The following UGT1A5 variants were observed in gnomAD, a reference collection of about 807,000 sequenced individuals.
UGT1A5 encodes UDP-glucuronosyltransferase 1A5.
Under a neutral mutation model 40.3 loss-of-function variants are expected in UGT1A5, and 29 were observed. The observed-to-expected ratio is 0.72, with a 90% CI of 0.54 to 0.98. The LOEUF is 0.98. Among genes scored for constraint, UGT1A5 ranks in the 50% least tolerant of loss-of-function variants. UGT1A5 has a pLI of 0.00. For synonymous variants in UGT1A5, 257 were observed against 262.5 expected (o/e 0.98, Z 0.20); for missense variants, 678 against 677.9 (o/e 1.00, Z 0.00).
chr2:233,717,415 G>C (rs565971108), intron 1 of UGT1A5, among the ~76,000 whole-genome samples: 2 of 152,300 alleles, frequency 1.3e-5, no homozygotes, highest in East Asian at 3.9e-4. Context: ...TGCCTCCCTT[G>C]AGCTGGGTGT....
At chr2:233,741,260 G>T (rs1242600336) in intron 1 of UGT1A5, among the ~76,000 whole-genome samples, 1 of 151,812 alleles carries the variant, frequency 6.6e-6, no homozygotes, top group Non-Finnish European at 1.5e-5. Context: ...GCCACTCTTT[G>T]CTGACCACTG....
At chr2:233,714,359 G>C (rs754648080) in intron 1 of UGT1A5, among the ~76,000 whole-genome samples, 1 of 152,198 alleles carries the variant, frequency 6.6e-6, no homozygotes, top group Non-Finnish European at 1.5e-5. Context: ...AGGTTTCAAA[G>C]AAGTTGACTC....
At chr2:233,758,397 C>T (rs1696863474) in intron 1 of UGT1A5, among the ~76,000 whole-genome samples, 1 of 152,138 alleles carries the variant, frequency 6.6e-6, no homozygotes, top group Admixed American at 6.5e-5. Flanking sequence ...TGTTTATAGC[C>T]CCTTTACTGT....
rs1216500349 is a variant in UGT1A5, at chr2:233,713,387, G to A, written c.396G>A (p.Leu132=). Residue 132 remains leucine, a synonymous_variant, in exon 1 of 5, where the codon CTG becomes CTA. Transcript: ENST00000373414. Reference sequence around the variant, plus strand: ...TACATAGGTCTTGTGTGGAGCTACTGCATAATGAGGCCCTGATCAGGCACC... The same window carrying A: ...TACATAGGTCTTGTGTGGAGCTACTACATAATGAGGCCCTGATCAGGCACC... ...LIIHRSCVEL[L]HNEALIRHLH... is the part of the protein sequence containing the mutation. 5.0e-6 allele frequency: 8 copies of A among 1,614,014 alleles called. No homozygotes were observed. The Admixed American group carries it at 1.0e-4, about 20-fold the overall frequency.
intron 1 of UGT1A5, chr2:233,743,869 G>A (rs763783144): frequency 1.5e-5 from 21 of 1,367,022 alleles, no homozygotes; most frequent in Admixed American, 1.9e-5. Flanking sequence ...TGATGGCCTC[G>A]GATGAGGCCT....
In UGT1A5 at chr2:233,724,982, C is replaced by T. The variant is rs1242883505; in HGVS notation, c.867+11124C>T. 2.1e-4 allele frequency among the ~76,000 whole-genome samples: 28 copies of T among 134,856 alleles called. 1 individual carries two copies. The highest frequency in any genetic ancestry group is 3.3e-4 in the Non-Finnish European group (21 of 62,878). The allele number at this position is 134,856 out of a possible 152,430, so 88.5% of individuals were successfully genotyped here. A position where few individuals can be genotyped will look rare whatever the true frequency, so the allele number is the denominator to read the frequency against. On this transcript the variant is annotated intron_variant, in intron 1 of 4. Coordinates refer to ENST00000373414, the MANE Select transcript of UGT1A5 (RefSeq NM_019078.2). ...GAGGCCGAGGTTGGCGGATCACTCGCGGTTAGGGGCTGGAGACCGGCCCGG... is the reference window on the plus strand; with the variant it reads ...GAGGCCGAGGTTGGCGGATCACTCGTGGTTAGGGGCTGGAGACCGGCCCGG...
At chr2:233,765,252 C>T (rs1390588094) in intron 1 of UGT1A5, among the ~76,000 whole-genome samples, 1 of 152,180 alleles carries the variant, frequency 6.6e-6, no homozygotes, top group Non-Finnish European at 1.5e-5. Flanking sequence ...AATCCCATTA[C>T]TGGGTATATA....
At chr2:233,722,949 G>C (rs2077051910) in intron 1 of UGT1A5, among the ~76,000 whole-genome samples, 2 of 134,510 alleles carry the variant, frequency 1.5e-5, no homozygotes, top group South Asian at 5.6e-4. Flanking sequence ...AGTGGGCTGA[G>C]GAGGAGGAGG....
intron 4 of UGT1A5, chr2:233,770,774 T>C (rs1700153442): frequency 6.6e-6 from 1 of 152,224 alleles, no homozygotes; most frequent in African/African-American, 2.4e-5. Context: ...TAATAATGTT[T>C]CCAAATAACA....
intron 1 of UGT1A5, among the ~76,000 whole-genome samples, chr2:233,720,005 C>T (rs2076821394): frequency 6.6e-6 from 1 of 152,174 alleles, no homozygotes; most frequent in South Asian, 2.1e-4. Context: ...ACATTCAGAA[C>T]TGATCCATCC....
chr2:233,734,192 C>T (rs7567468), intron 1 of UGT1A5, among the ~76,000 whole-genome samples: 44,730 of 151,966 alleles, frequency 0.29, 6,702 homozygotes, highest in South Asian at 0.39. Context: ...ATTATTGCCT[C>T]AATTTCAGAG....
chr2:233,748,318 C>T (rs1693914102), intron 1 of UGT1A5, among the ~76,000 whole-genome samples: 1 of 151,718 alleles, frequency 6.6e-6, no homozygotes, highest in African/African-American at 2.4e-5. Context: ...TGGACTAGGA[C>T]TGATGTGACT....
rs760289864 is a variant in UGT1A5 at position 233,772,449 on chromosome 2, G to A, written c.1495G>A (p.Val499Ile). 8 of 1,614,068 alleles carry A rather than the reference G, an allele frequency of 5.0e-6. No homozygotes were observed. Among genetic ancestry groups the A allele is most frequent in the Middle Eastern group, 1.6e-4 (1 of 6,084 alleles). Residue 499 changes from valine (V) to isoleucine (I), a missense_variant, in exon 5 of 5, where the codon GTC becomes ATC. Physicochemically the swap from Val to Ile is conservative, Grantham distance 29 (BLOSUM62 3). Transcript: ENST00000373414. ...GGACGTGATTGGTTTCCTCTTGGCCGTCGTGCTGACAGTGGCCTTCATCAC... is the reference window on the plus strand; with the variant it reads ...GGACGTGATTGGTTTCCTCTTGGCCATCGTGCTGACAGTGGCCTTCATCAC... ...SLDVIGFLLA[V>I]VLTVAFITFK...
At position 233,749,723 on chromosome 2, in the gene UGT1A5, C is replaced by T. The variant is rs564280843; in HGVS notation, c.868-17311C>T. On this transcript the variant is annotated intron_variant, in intron 1 of 4. Coordinates refer to ENST00000373414, the MANE Select transcript of UGT1A5 (RefSeq NM_019078.2). ...GGTGATTGGATCATGGGGGCAGTTT[C>T]GCACCTGCTGGTCTCATCATAGTGA... 3.3e-5 allele frequency among the ~76,000 whole-genome samples: 5 copies of T among 151,978 alleles called. No individual in the cohort carries two copies. The South Asian group carries it at 6.2e-4, about 19-fold the overall frequency.
chr2:233,742,808 G>A (rs1235624978), intron 1 of UGT1A5: 1 of 153,400 alleles, frequency 6.5e-6, no homozygotes, highest in Non-Finnish European at 1.4e-5. Flanking sequence ...CAGAAGTATT[G>A]ATATTATTTG....
intron 1 of UGT1A5, chr2:233,729,294 C>G: frequency 6.2e-7 from 1 of 1,614,226 alleles, no homozygotes; most frequent in Non-Finnish European, 8.5e-7. Flanking sequence ...CCAGAGGCCA[C>G]CAGGCAGTGG....
intron 1 of UGT1A5, among the ~76,000 whole-genome samples, chr2:233,715,946 TTGAC>T (rs1026670441): frequency 8.5e-5 from 13 of 152,220 alleles, no homozygotes; most frequent in African/African-American, 2.9e-4. Flanking sequence ...TTGTGGTTTG[TTGAC>T]TGACTGACTG....
intron 1 of UGT1A5, among the ~76,000 whole-genome samples, chr2:233,715,921 C>A (rs1424771340): frequency 2.6e-5 from 4 of 152,180 alleles, no homozygotes; most frequent in Admixed American, 6.5e-5. Flanking sequence ...TCATTGAGCT[C>A]AGGAGTTTCA....
chr2:233,724,359 C>T (rs1387977005), intron 1 of UGT1A5, among the ~76,000 whole-genome samples: 12 of 146,792 alleles, frequency 8.2e-5, no homozygotes, highest in South Asian at 2.3e-4. Context: ...ACCTCCCTCC[C>T]GGACGGGGTG....
Sources: gnomAD v4.1 joint callset for allele counts (sites outside exome capture counted in the v4.1 genomes callset) on GRCh38, gnomAD v4.1.1 for gene constraint, MANE v1.5 for transcripts, NCBI Gene and HGNC (gene_info 2026-07-23, HGNC 2026-07-21) for gene names.